MARCHF1: variants seen among roughly 807,000 people sequenced by gnomAD.
The protein encoded by MARCHF1 is E3 ubiquitin-protein ligase MARCHF1.
MARCHF1 carries 40 observed loss-of-function variants against 54.2 expected under a neutral mutation model. That is an observed-to-expected ratio of 0.74 (90% CI 0.57 to 0.96). The LOEUF (loss-of-function observed/expected upper bound fraction) is 0.96, where lower values mean the gene tolerates loss of function less well. MARCHF1 is among the 40% of genes least tolerant of loss of function. MARCHF1 has a pLI of 0.00. For synonymous variants in MARCHF1, 236 were observed against 236.3 expected (o/e 1.00, Z 0.01); for missense variants, 586 against 656.5 (o/e 0.89, Z 1.17).
chr4:164,319,426 A>G (rs1735080636), intron 1 of MARCHF1, among the ~76,000 whole-genome samples: 1 of 152,162 alleles, frequency 6.6e-6, no homozygotes, highest in African/African-American at 2.4e-5. Context: ...AAGCAAGATG[A>G]GCAGCATCCC....
chr4:164,023,588 C>T (rs1753710865), intron 2 of MARCHF1, among the ~76,000 whole-genome samples: 1 of 152,258 alleles, frequency 6.6e-6, no homozygotes, highest in African/African-American at 2.4e-5. Flanking sequence ...AGACAATTGG[C>T]TATACTCAGC....
At chr4:163,641,108 A>C (rs1380409165) in intron 5 of MARCHF1, among the ~76,000 whole-genome samples, 1 of 152,112 alleles carries the variant, frequency 6.6e-6, no homozygotes, top group Non-Finnish European at 1.5e-5. Context: ...AACATCTGGC[A>C]AATATACTAC....
intron 2 of MARCHF1, among the ~76,000 whole-genome samples, chr4:164,000,265 A>C (rs1235616017): frequency 6.6e-6 from 1 of 151,830 alleles, no homozygotes; most frequent in Non-Finnish European, 1.5e-5. Flanking sequence ...TTGAAAAAAT[A>C]AATGAAACAT....
intron 5 of MARCHF1, among the ~76,000 whole-genome samples, chr4:163,668,231 C>T (rs1387960569): frequency 2.0e-5 from 3 of 152,072 alleles, no homozygotes; most frequent in Non-Finnish European, 4.4e-5. Flanking sequence ...AATTTCACTG[C>T]CAAGCTGGCA....
chr4:164,206,414 GCAA>G (rs1224124157), intron 1 of MARCHF1, among the ~76,000 whole-genome samples: 2 of 152,134 alleles, frequency 1.3e-5, no homozygotes, highest in Non-Finnish European at 2.9e-5. Context: ...TCCAGCCTGG[GCAA>G]CAACAGCAAA....
chr4:164,017,578 C>A (rs1044140169), intron 2 of MARCHF1, among the ~76,000 whole-genome samples: 3 of 151,624 alleles, frequency 2.0e-5, no homozygotes, highest in Non-Finnish European at 4.4e-5. Context: ...AGCATCTAAA[C>A]CAAGAATACT....
chr4:163,683,843 T>C (rs529584255), intron 5 of MARCHF1, among the ~76,000 whole-genome samples: 2 of 152,264 alleles, frequency 1.3e-5, no homozygotes, highest in South Asian at 4.2e-4. Flanking sequence ...CTCTGCTTGG[T>C]ATCAGCTAAA....
chr4:164,366,929 C>T (rs1730896782), intron 1 of MARCHF1, among the ~76,000 whole-genome samples: 1 of 152,016 alleles, frequency 6.6e-6, no homozygotes, highest in Non-Finnish European at 1.5e-5. Flanking sequence ...AACCTCACAG[C>T]ATTTTTACCT....
chr4:164,133,672 C>T (rs546399400), intron 1 of MARCHF1, among the ~76,000 whole-genome samples: 2 of 152,060 alleles, frequency 1.3e-5, no homozygotes, highest in Non-Finnish European at 2.9e-5. Flanking sequence ...CCTAGGCTGT[C>T]GGTAAGTTCT....
intron 2 of MARCHF1, among the ~76,000 whole-genome samples, chr4:164,012,196 C>T (rs997910302): frequency 6.6e-6 from 1 of 152,100 alleles, no homozygotes; most frequent in Non-Finnish European, 1.5e-5. Flanking sequence ...GTTTTGTAGG[C>T]AGGGAACTTG....
chr4:163,980,583 T>A (rs1331979362), intron 3 of MARCHF1, among the ~76,000 whole-genome samples: 1 of 152,088 alleles, frequency 6.6e-6, no homozygotes, highest in Non-Finnish European at 1.5e-5. Context: ...AGCATGAAGT[T>A]CTCTTATAAT....
chr4:164,199,017 TCA>T (rs563385759), intron 1 of MARCHF1, among the ~76,000 whole-genome samples: 350 of 152,276 alleles, frequency 2.3e-3, no homozygotes, highest in Non-Finnish European at 3.9e-3. Context: ...CTAGAAAATA[TCA>T]CAGATTCCAC....
intron 1 of MARCHF1, among the ~76,000 whole-genome samples, chr4:164,166,545 T>C (rs1730386049): frequency 6.6e-6 from 1 of 151,916 alleles, no homozygotes; most frequent in African/African-American, 2.4e-5. Context: ...AACATTATAA[T>C]CAGTGGAGAA....
rs569021723 is a variant in MARCHF1, at chr4:163,806,224, C to A, written c.111+47797G>T. Among the ~76,000 whole-genome samples, 16 of 152,336 alleles carry A rather than the reference C, an allele frequency of 1.1e-4. No individual in the cohort carries two copies. In the South Asian group the frequency reaches 3.1e-3, roughly 30 times the overall value. On this transcript the variant is annotated intron_variant, in intron 4 of 9. Coordinates refer to ENST00000514618, the MANE Select transcript of MARCHF1 (RefSeq NM_001394959.1). ...AGCAATACAGTCAAAGTGCTAATCA[C>A]CATCTGTCTGACATCCTTCTTTTAT...
intron 7 of MARCHF1, among the ~76,000 whole-genome samples, chr4:163,600,386 CCTGG>C (rs1421956239): frequency 6.6e-6 from 1 of 152,068 alleles, no homozygotes; most frequent in Non-Finnish European, 1.5e-5. Context: ...TGGATGGAAT[CCTGG>C]CAGCATTAAA....
chr4:163,788,265 A>G (rs952632896), intron 4 of MARCHF1, among the ~76,000 whole-genome samples: 1 of 151,984 alleles, frequency 6.6e-6, no homozygotes, highest in Admixed American at 6.6e-5. Context: ...AGTTTGAACT[A>G]ATTTTAGGTT....
chr4:164,189,627 T>G, intron 1 of MARCHF1: 1 of 916,652 alleles, frequency 1.1e-6, no homozygotes, highest in Non-Finnish European at 1.9e-6. Flanking sequence ...TAGTGCTTGA[T>G]GTATGTCCCC....
chr4:164,363,041 T>A (rs969397344), intron 1 of MARCHF1, among the ~76,000 whole-genome samples: 1 of 152,126 alleles, frequency 6.6e-6, no homozygotes, highest in African/African-American at 2.4e-5. Flanking sequence ...AAAAGGCTTA[T>A]TAACAATAAA....
intron 1 of MARCHF1, among the ~76,000 whole-genome samples, chr4:164,226,275 T>C (rs1485216804): frequency 6.6e-6 from 1 of 152,082 alleles, no homozygotes. Flanking sequence ...ATGTAATAGA[T>C]ATTCTCAGAG....
Sources: allele counts gnomAD v4.1 joint callset (sites outside exome capture counted in the v4.1 genomes callset), GRCh38; gene constraint gnomAD v4.1.1; transcripts MANE v1.5; gene names NCBI Gene and HGNC (gene_info 2026-07-23, HGNC 2026-07-21).